Variants in KIRREL3 observed in about 807,000 individuals in gnomAD.
The protein encoded by KIRREL3 is kin of IRRE-like protein 3.
A neutral mutation model predicts 89.7 loss-of-function variants in KIRREL3; 36 were observed. The observed-to-expected ratio is 0.40, with a 90% confidence interval of 0.31 to 0.53. The LOEUF is 0.53. Among genes scored for constraint, KIRREL3 ranks in the 20% least tolerant of loss-of-function variants. The probability of loss-of-function intolerance (pLI) is 0.49; values close to 1 mark genes in which losing one functional copy is unlikely to be tolerated. For missense variants in KIRREL3, 864 were observed against 1,056.6 expected (o/e 0.82, Z 2.53); for synonymous variants, 445 against 441.4 (o/e 1.01, Z -0.10).
rs1944281211 is a variant in KIRREL3, at chr11:126,636,800, G to A, written c.56-73888C>T. On this transcript the variant is annotated intron_variant, in intron 1 of 16. Transcript: ENST00000525144. The surrounding 1 kb of genome is among the most constrained non-coding windows in gnomAD (Gnocchi z 4.4). ...GCCAACTAGGAGTCCGGATGATCTG[G>A]ACTTGAATTTGTATCCCGGTTTAAC... 6.6e-6 allele frequency among the ~76,000 whole-genome samples: 1 copy of A among 152,188 alleles called. No homozygotes were observed. The highest frequency in any genetic ancestry group is 1.5e-5 in the Non-Finnish European group (1 of 68,040).
chr11:126,517,617 T>G (rs1255005754), intron 4 of KIRREL3, among the ~76,000 whole-genome samples: 2 of 152,190 alleles, frequency 1.3e-5, no homozygotes, highest in African/African-American at 4.8e-5. Flanking sequence ...GGGATGCTGT[T>G]TAAGCCACCC....
At chr11:126,613,893 T>TTTTTTTTTTTTTTTTTTTTTTTTTG (rs371748740) in intron 1 of KIRREL3, among the ~76,000 whole-genome samples, 1 of 118,644 alleles carries the variant, frequency 8.4e-6, no homozygotes, top group Non-Finnish European at 1.7e-5. Flanking sequence ...TTTTTTTTTT[T>TTTTTTTTTTTTTTTTTTTTTTTTTG]ATTTTTTTCC....
At chr11:126,950,111 C>T (rs1207166285) in intron 1 of KIRREL3, among the ~76,000 whole-genome samples, 4 of 152,180 alleles carry the variant, frequency 2.6e-5, no homozygotes, top group East Asian at 1.9e-4. Flanking sequence ...CAGTGGCTCA[C>T]GCCTATAATC....
At chr11:126,542,309 C>A (rs759859445) in intron 2 of KIRREL3, among the ~76,000 whole-genome samples, 1 of 152,018 alleles carries the variant, frequency 6.6e-6, no homozygotes, top group East Asian at 1.9e-4. Flanking sequence ...CTTGGGGCAA[C>A]GTCCTGGGTT....
rs538846346 is a variant in KIRREL3, at chr11:126,961,721, T to C, written c.55+38734A>G. Among the ~76,000 whole-genome samples the C allele has an allele frequency of 9.8e-5, 15 of 152,352 alleles. No individual in the cohort carries two copies. In the East Asian group the frequency reaches 2.9e-3, roughly 29 times the overall value. On this transcript the variant is annotated intron_variant, in intron 1 of 16. Transcript: ENST00000525144. ...CTCAACAACAGACTTTCACTGTAGA[T>C]GAAACAACTTTTTATTGGAAGAAGG...
intron 1 of KIRREL3, among the ~76,000 whole-genome samples, chr11:126,982,469 A>C (rs1406569197): frequency 6.6e-6 from 1 of 152,152 alleles, no homozygotes; most frequent in Non-Finnish European, 1.5e-5. Context: ...CCTGAGGGAG[A>C]CTTCATAAAG....
chr11:126,900,925 G>A lies in KIRREL3; in HGVS notation c.55+99530C>T, dbSNP rs1172545802. On this transcript the variant is annotated intron_variant, in intron 1 of 16. Transcript: ENST00000525144. The surrounding 1 kb of genome is among the most constrained non-coding windows in gnomAD (Gnocchi z 4.4). ...GAAAAAAGGGAAAGTTGGAAGGGGA[G>A]GATAGAAAGATAGGAACCTGAAGGA... 1.3e-5 allele frequency among the ~76,000 whole-genome samples: 2 copies of A among 152,050 alleles called. No individual in the cohort carries two copies. Among genetic ancestry groups the A allele is most frequent in the African/African-American group, 4.8e-5 (2 of 41,392 alleles).
rs959497728 is a variant in KIRREL3, at chr11:126,906,743, G to A, written c.55+93712C>T. Among the ~76,000 whole-genome samples the A allele has an allele frequency of 4.6e-5, 7 of 152,150 alleles. No homozygotes were observed. The highest frequency in any genetic ancestry group is 1.7e-4 in the African/African-American group (7 of 41,416). On this transcript the variant is annotated intron_variant, in intron 1 of 16. Transcript: ENST00000525144. This position sits in a 1 kb window ranked among gnomAD's most constrained non-coding sequence, Gnocchi z 4.1. ...ATCCTGAAAGTCTGCACTGCACTCG[G>A]ATCCCCAGCACCTCCTCTGTAGCCC...
Position 126,903,137 on chromosome 11 carries a change from A to T in KIRREL3, c.55+97318T>A, listed in dbSNP as rs912749353. ...AATAGCTGTGGTAAAGCACTCTCTC[A>T]GGCACAAATATGCTTCTGATTTAAG... On this transcript the variant is annotated intron_variant, in intron 1 of 16. Transcript: ENST00000525144. The surrounding 1 kb of genome is among the most constrained non-coding windows in gnomAD (Gnocchi z 4.5). 6.6e-6 allele frequency among the ~76,000 whole-genome samples: 1 copy of T among 152,212 alleles called. No individual in the cohort carries two copies. Among genetic ancestry groups the T allele is most frequent in the African/African-American group, 2.4e-5 (1 of 41,466 alleles).
chr11:126,700,334 C>T (rs1002550349), intron 1 of KIRREL3, among the ~76,000 whole-genome samples: 1 of 152,180 alleles, frequency 6.6e-6, no homozygotes, highest in African/African-American at 2.4e-5. Context: ...CTCAGTATGG[C>T]ACATTGGAAG....
In KIRREL3 at chr11:126,652,971, T is replaced by C. The variant is rs1477790588; in HGVS notation, c.56-90059A>G. On this transcript the variant is annotated intron_variant, in intron 1 of 16. Coordinates refer to ENST00000525144, the MANE Select transcript of KIRREL3 (RefSeq NM_032531.4). The surrounding 1 kb of genome is among the most constrained non-coding windows in gnomAD (Gnocchi z 4.9). Reference sequence around the variant, plus strand: ...ATTTATATTTGATTAAAAAAGTCATTCATTCATGCATTCAGCAGCCAGTAT... The same window carrying C: ...ATTTATATTTGATTAAAAAAGTCATCCATTCATGCATTCAGCAGCCAGTAT... 1 of 152,044 alleles carries C rather than the reference T, an allele frequency of 6.6e-6. No individual in the cohort carries two copies. Among genetic ancestry groups the C allele is most frequent in the Admixed American group, 6.6e-5 (1 of 15,266 alleles). 9.4% of individuals were successfully genotyped at this position (152,044 alleles called of 1,614,324 possible).
In KIRREL3 at chr11:126,475,563, G is replaced by A. The variant is rs1957040668; in HGVS notation, c.434-2097C>T. ...ACTGACCCCAGGGGCAGCGAGCCCC[G>A]GACTCCACCGAGATCCTGGCTCAGG... On this transcript the variant is annotated intron_variant, in intron 4 of 16. Coordinates refer to ENST00000525144, the MANE Select transcript of KIRREL3 (RefSeq NM_032531.4). This position sits in a 1 kb window ranked among gnomAD's most constrained non-coding sequence, Gnocchi z 7.5. 6.6e-6 allele frequency among the ~76,000 whole-genome samples: 1 copy of A among 152,086 alleles called. No homozygotes were observed. The highest frequency in any genetic ancestry group is 1.5e-5 in the Non-Finnish European group (1 of 68,008).
At position 126,601,480 on chromosome 11, in the gene KIRREL3, A is replaced by G. The variant is rs988583701; in HGVS notation, c.56-38568T>C. On this transcript the variant is annotated intron_variant, in intron 1 of 16. Transcript: ENST00000525144. This position sits in a 1 kb window ranked among gnomAD's most constrained non-coding sequence, Gnocchi z 5.8. Reference sequence around the variant, plus strand: ...TCTAAAGATGAACTTCCCGTGCTCAATCAAACGTTATTATCCCAATGTAAG... The same window carrying G: ...TCTAAAGATGAACTTCCCGTGCTCAGTCAAACGTTATTATCCCAATGTAAG... Among the ~76,000 whole-genome samples the G allele has an allele frequency of 8.5e-5, 13 of 152,226 alleles. No homozygotes were observed. Among genetic ancestry groups the G allele is most frequent in the Admixed American group, 2.0e-4 (3 of 15,286 alleles).
At chr11:126,552,551 T>TA (rs1491507585) in intron 2 of KIRREL3, among the ~76,000 whole-genome samples, 1,289 of 28,682 alleles carry the variant, frequency 0.045, 64 homozygotes, top group African/African-American at 0.2. Context: ...GAGAGAAAAG[T>TA]TTTTTTTTTT....
rs1207638101 is a variant in KIRREL3 at position 126,429,104 on chromosome 11, A to T, written c.1806+75T>A. 1.1e-6 allele frequency: 1 copy of T among 951,786 alleles called. No individual in the cohort carries two copies. Among genetic ancestry groups the T allele is most frequent in the Non-Finnish European group, 1.7e-6 (1 of 605,238 alleles). The allele number at this position is 951,786 out of a possible 1,614,324, so 59.0% of individuals were successfully genotyped here. On this transcript the variant is annotated intron_variant, in intron 15 of 16. Transcript: ENST00000525144. The surrounding 1 kb of genome is among the most constrained non-coding windows in gnomAD (Gnocchi z 5.2). ...TCTGCTTTTTGGAAGCATCTAGTTC[A>T]TTGAGAAGCCTCTAGTCCCAGGACC...
chr11:126,584,758 C>A (rs1383758277), intron 1 of KIRREL3, among the ~76,000 whole-genome samples: 1 of 152,142 alleles, frequency 6.6e-6, no homozygotes, highest in Non-Finnish European at 1.5e-5. Context: ...AAGTTGCAGG[C>A]CAGATGCCAC....
rs912548128 is a variant in KIRREL3, at chr11:126,541,095, G to A, written c.134-14408C>T. ...AGAGTGCCCATCAACCCCTCTCAGA[G>A]GGCGTCAGCGTGGGCACCACCAGGA... On this transcript the variant is annotated intron_variant, in intron 2 of 16. Coordinates refer to ENST00000525144, the MANE Select transcript of KIRREL3 (RefSeq NM_032531.4). The surrounding 1 kb of genome is among the most constrained non-coding windows in gnomAD (Gnocchi z 4.8). Among the ~76,000 whole-genome samples, 1 of 152,190 alleles carries A rather than the reference G, an allele frequency of 6.6e-6. No homozygotes were observed. The highest frequency in any genetic ancestry group is 2.4e-5 in the African/African-American group (1 of 41,450).
intron 4 of KIRREL3, among the ~76,000 whole-genome samples, chr11:126,480,114 A>C (rs1957178632): frequency 6.6e-6 from 1 of 152,240 alleles, no homozygotes; most frequent in Non-Finnish European, 1.5e-5. Context: ...CACAGGGCAC[A>C]GGGTGGCATA....
intron 1 of KIRREL3, among the ~76,000 whole-genome samples, chr11:126,630,378 C>G (rs1429923598): frequency 6.6e-6 from 1 of 152,206 alleles, no homozygotes; most frequent in Non-Finnish European, 1.5e-5. Flanking sequence ...GAGGCACGTT[C>G]TCTTCAACTA....
Sources: gnomAD v4.1 joint callset for allele counts (sites outside exome capture counted in the v4.1 genomes callset) on GRCh38, gnomAD v4.1.1 for gene constraint, Gnocchi (gnomAD v3.1) non-coding constraint, MANE v1.5 for transcripts, NCBI Gene and HGNC (gene_info 2026-07-23, HGNC 2026-07-21) for gene names.